The following ACSBG2 variants were observed in gnomAD, a reference collection of about 807,000 sequenced individuals.
The protein encoded by ACSBG2 is long-chain-fatty-acid--CoA ligase ACSBG2.
In ACSBG2, 62 loss-of-function variants were observed where a neutral mutation model predicts 74.7. The ratio of observed to expected loss-of-function variants is 0.83; its 90% CI spans 0.68 to 1.03. The LOEUF is 1.03. ACSBG2 is among the 50% of genes least tolerant of loss of function. ACSBG2 has a pLI of 0.00. For missense variants in ACSBG2, 730 were observed against 817.6 expected (o/e 0.89, Z 1.31); for synonymous variants, 309 against 294.1 (o/e 1.05, Z -0.52).
intron 10 of ACSBG2, among the ~76,000 whole-genome samples, chr19:6,184,873 C>T (rs1323064070): frequency 2.2e-5 from 1 of 44,774 alleles, no homozygotes; most frequent in South Asian, 8.7e-4. Flanking sequence ...AAAAAAAAAA[C>T]GAAAAACAGC....
intron 2 of ACSBG2, among the ~76,000 whole-genome samples, chr19:6,142,257 C>T (rs150078814): frequency 5.3e-5 from 8 of 152,176 alleles, no homozygotes; most frequent in African/African-American, 1.4e-4. Flanking sequence ...AGATAGGGTG[C>T]GGATATGATC....
At position 6,148,107 on chromosome 19, in the gene ACSBG2, C is replaced by G. The variant is rs2089110146; in HGVS notation, c.297+432C>G. On this transcript the variant is annotated intron_variant, in intron 3 of 14. Coordinates refer to ENST00000588485, the MANE Select transcript of ACSBG2 (RefSeq NM_030924.5). ...TTTCTGTGGATTGAGAATTTAGGAG[C>G]TACTTTGAAATTGGGTTCTTCTGGC... 2.7e-5 allele frequency: 5 copies of G among 182,036 alleles called. No individual in the cohort carries two copies. The Admixed American group carries it at 2.8e-4, about 10-fold the overall frequency. The allele number at this position is 182,036 out of a possible 1,614,324, so 11.3% of individuals were successfully genotyped here.
chr19:6,176,249 G>A (rs1044165280), intron 7 of ACSBG2: 3 of 1,325,318 alleles, frequency 2.3e-6, no homozygotes, highest in Non-Finnish European at 1.9e-6. Context: ...GCTGAAGTGG[G>A]GGCCCCAGGT....
intron 2 of ACSBG2, among the ~76,000 whole-genome samples, 155 bp downstream of exon 2, chr19:6,141,765 G>C (rs539666212): frequency 6.8e-6 from 1 of 148,094 alleles, no homozygotes; most frequent in East Asian, 2.0e-4. Flanking sequence ...ACAGGGTCTT[G>C]CTCTGTCACC....
chr19:6,166,285 TG>T (rs2089804289), intron 7 of ACSBG2, among the ~76,000 whole-genome samples: 1 of 61,312 alleles, frequency 1.6e-5, no homozygotes, highest in Admixed American at 2.0e-4. Flanking sequence ...GAAGGTTGTG[TG>T]TGTGTGTGTG....
chr19:6,184,858 A>ACAAACAAACAAAC (rs1464031810), intron 10 of ACSBG2, among the ~76,000 whole-genome samples: 2 of 145,022 alleles, frequency 1.4e-5, no homozygotes, highest in African/African-American at 2.5e-5. Context: ...AAAAAAAAAA[A>ACAAACAAACAAAC]AAAAAAAAAA....
chr19:6,144,138 C>G (rs1430066125), intron 2 of ACSBG2, among the ~76,000 whole-genome samples: 1 of 152,158 alleles, frequency 6.6e-6, no homozygotes, highest in Non-Finnish European at 1.5e-5. Context: ...GCTGGGACAA[C>G]AGGCGCGTGC....
intron 10 of ACSBG2, 52 bp downstream of exon 10, chr19:6,183,324 G>A (rs191053316): frequency 3.9e-6 from 6 of 1,521,048 alleles, no homozygotes; most frequent in Non-Finnish European, 5.4e-6. Context: ...GGGGTCAAGA[G>A]GGGGAAGGTG....
intron 5 of ACSBG2, among the ~76,000 whole-genome samples, chr19:6,157,376 T>C (rs1294116462): frequency 6.6e-6 from 1 of 152,088 alleles, no homozygotes; most frequent in Non-Finnish European, 1.5e-5. Flanking sequence ...GCCAACATGG[T>C]GAAACTCCAT....
At chr19:6,166,996 G>T (rs112326573) in intron 7 of ACSBG2, among the ~76,000 whole-genome samples, 3,464 of 152,224 alleles carry the variant, frequency 0.023, 50 homozygotes, top group South Asian at 0.052. Context: ...CTGGAGTGCA[G>T]TGACTACTCA....
intron 4 of ACSBG2, among the ~76,000 whole-genome samples, chr19:6,153,170 C>T (rs1329326935): frequency 1.3e-5 from 2 of 152,110 alleles, no homozygotes; most frequent in African/African-American, 2.4e-5. Flanking sequence ...GGCGTGAACC[C>T]AGGAGGCCGA....
intron 2 of ACSBG2, among the ~76,000 whole-genome samples, chr19:6,145,148 C>T (rs1460290605): frequency 6.6e-6 from 1 of 151,966 alleles, no homozygotes; most frequent in African/African-American, 2.4e-5. Flanking sequence ...CCTGTAATCC[C>T]AGCACTTTGG....
intron 4 of ACSBG2, among the ~76,000 whole-genome samples, chr19:6,152,456 A>C (rs111985578): frequency 1.5e-5 from 1 of 68,844 alleles, no homozygotes; most frequent in Admixed American, 1.9e-4. Context: ...GCGCCCGGCT[A>C]ATTTTTTGTA....
In ACSBG2 at chr19:6,180,103, C is replaced by CCTCTCTGACTCTGA. The variant is rs111675372; in HGVS notation, c.907-2643_907-2642insTGACTCTGACTCTC. ...CACAGCCAGCAGTGCAGCCTCTTCC[C>CCTCTCTGACTCTGA]CTCTCCTGCTTCCCTCTTATAAGGA... On this transcript the variant is annotated intron_variant, in intron 8 of 14. Coordinates refer to ENST00000588485, the MANE Select transcript of ACSBG2 (RefSeq NM_030924.5). This position sits in a 1 kb window ranked among gnomAD's most constrained non-coding sequence, Gnocchi z 4.3. 0.083 allele frequency among the ~76,000 whole-genome samples: 12,647 copies of CCTCTCTGACTCTGA among 151,978 alleles called. 935 individuals are homozygous for CCTCTCTGACTCTGA. The highest frequency in any genetic ancestry group is 0.2 in the African/African-American group (8,156 of 41,354).
At chr19:6,178,910 G>A (rs971054239) in intron 8 of ACSBG2, among the ~76,000 whole-genome samples, 87 of 152,338 alleles carry the variant, frequency 5.7e-4, no homozygotes, top group African/African-American at 1.9e-3. Context: ...CCCATAGGAA[G>A]CTCTGAGGCA....
intron 1 of ACSBG2, among the ~76,000 whole-genome samples, chr19:6,138,902 G>GCTC (rs1317225849): frequency 7.9e-5 from 12 of 152,156 alleles, no homozygotes; most frequent in Admixed American, 5.9e-4. Context: ...CTGCTCCAGA[G>GCTC]GGGCCTTGGG....
At chr19:6,160,403 AAGAAAGAAAGAAAAG>A (rs2145112325) in intron 5 of ACSBG2, among the ~76,000 whole-genome samples, 1 of 149,566 alleles carries the variant, frequency 6.7e-6, no homozygotes, top group South Asian at 2.1e-4. Context: ...AAAAAAAAAA[AAGAAAGAAAGAAAAG>A]AAAAAAGAAT....
chr19:6,167,898 C>T (rs1255434164), intron 7 of ACSBG2, among the ~76,000 whole-genome samples: 1 of 152,126 alleles, frequency 6.6e-6, no homozygotes, highest in Non-Finnish European at 1.5e-5. Flanking sequence ...TTGGCCCAGT[C>T]TCCATCATCG....
Position 6,187,782 on chromosome 19 carries a change from GCA to G in ACSBG2, c.1867_1868del (p.Gln623GlufsTer3). The G allele has an allele frequency of 1.2e-6, 2 of 1,614,194 alleles. No homozygotes were observed. Among genetic ancestry groups the G allele is most frequent in the South Asian group, 1.1e-5 (1 of 91,082 alleles). ...TGTGAACCAGGAAGCCATGAACAAT[GCA>G]CAGAGGATTGAAAAGTGGGTCATCT... Reference protein sequence around the residue: ...NAVNQEAMNNAQRIEKWVILE... With the variant: ...NAVNQEAMNNXQRIEKWVILE... On this transcript the variant is annotated frameshift_variant, in exon 13 of 15. Coordinates refer to ENST00000588485, the MANE Select transcript of ACSBG2 (RefSeq NM_030924.5). LOFTEE classifies it high-confidence loss of function.
Sources: gnomAD v4.1 joint callset for allele counts (sites outside exome capture counted in the v4.1 genomes callset) on GRCh38, gnomAD v4.1.1 for gene constraint, Gnocchi (gnomAD v3.1) non-coding constraint, MANE v1.5 for transcripts, NCBI Gene and HGNC (gene_info 2026-07-23, HGNC 2026-07-21) for gene names.